LAMA1: variants seen among roughly 807,000 people sequenced by gnomAD.
LAMA1 encodes laminin subunit alpha 1.
In LAMA1, 219 loss-of-function variants were observed where a neutral mutation model predicts 348.7. The ratio of observed to expected loss-of-function variants is 0.63; its 90% CI spans 0.56 to 0.70. LAMA1 has a LOEUF of 0.70. LAMA1 is among the 30% of genes least tolerant of loss of function. LAMA1 has a pLI of 0.00. For missense variants in LAMA1, 3,744 were observed against 3,888.0 expected (o/e 0.96, Z 0.99); for synonymous variants, 1,487 against 1,491.0 (o/e 1.00, Z 0.06).
intron 1 of LAMA1, among the ~76,000 whole-genome samples, chr18:7,081,073 C>T (rs1031421681): frequency 7.9e-5 from 12 of 151,842 alleles, no homozygotes; most frequent in African/African-American, 2.2e-4. Flanking sequence ...TATATACTGT[C>T]GGTGGGAGTG....
chr18:6,987,466 C>G (rs191881143), intron 36 of LAMA1, among the ~76,000 whole-genome samples: 1 of 152,264 alleles, frequency 6.6e-6, no homozygotes, highest in Non-Finnish European at 1.5e-5. Flanking sequence ...TGGATAAATG[C>G]AAGCTTTAGA....
intron 3 of LAMA1, 141 bp from the exon 4 acceptor site, chr18:7,051,077 G>GAGGT: frequency 9.5e-7 from 1 of 1,054,674 alleles, no homozygotes. Context: ...TGGCTGCCAT[G>GAGGT]AGGTGCGAGG....
At position 7,034,530 on chromosome 18, in the gene LAMA1, G is replaced by C; in HGVS notation, c.2000C>G (p.Thr667Arg). The change falls in exon 14 of 63, where the codon ACA becomes AGA. Residue 667 changes from threonine to arginine, a missense_variant. Thr to Arg is a moderately conservative substitution (Grantham distance 71). This residue lies in a region of LAMA1 where 1,529 missense variants were observed against 1,689.4 expected (regional missense o/e 0.91). Coordinates refer to ENST00000389658, the MANE Select transcript of LAMA1 (RefSeq NM_005559.4). ...GTAGTTGGCTCTGATCAAAAGATGT[G>C]TCACATTGGCAAGGACAGTCATCAG... is the stretch of plus-strand genomic sequence containing the variant. ...DQLMTVLANV[T>R]HLLIRANYNS... 5 of 1,614,112 alleles carry C rather than the reference G, an allele frequency of 3.1e-6. No homozygotes were observed. Among genetic ancestry groups the C allele is most frequent in the Non-Finnish European group, 4.2e-6 (5 of 1,180,020 alleles).
intron 1 of LAMA1, among the ~76,000 whole-genome samples, chr18:7,117,305 C>CGGCGCCCCGCTCCG: frequency 6.6e-6 from 1 of 151,706 alleles, no homozygotes; most frequent in Middle Eastern, 3.5e-3. Context: ...AAGCAACCCC[C>CGGCGCCCCGCTCCG]GGCGCCCCGC....
intron 20 of LAMA1, 83 bp from the exon 21 acceptor site, chr18:7,016,754 C>T: frequency 2.5e-6 from 3 of 1,221,378 alleles, no homozygotes; most frequent in East Asian, 2.5e-5. Flanking sequence ...CCAGAACACA[C>T]ACAGGGTATT....
intron 50 of LAMA1, 142 bp from the exon 51 acceptor site, chr18:6,964,945 G>T: frequency 1.0e-6 from 1 of 962,012 alleles, no homozygotes; most frequent in Non-Finnish European, 1.6e-6. Flanking sequence ...AATGTTCTTG[G>T]CTATTGAAGG....
rs996656682 is a variant in LAMA1 at position 6,980,759 on chromosome 18, T to C, written c.5891-122A>G. On this transcript the variant is annotated intron_variant, in intron 41 of 62. Coordinates refer to ENST00000389658, the MANE Select transcript of LAMA1 (RefSeq NM_005559.4). ...AGCTTTCTAAAGAGATTCCCAATAT[T>C]GACAGTTTTTCCAGCAAGACTGAGC... is the stretch of plus-strand genomic sequence containing the variant. The C allele has an allele frequency of 7.6e-6, 5 of 658,562 alleles. No homozygotes were observed. The East Asian group carries it at 8.1e-5, about 11-fold the overall frequency. The allele number at this position is 658,562 out of a possible 1,614,324, so 40.8% of individuals were successfully genotyped here.
At chr18:7,113,658 T>C (rs548755098) in intron 1 of LAMA1, among the ~76,000 whole-genome samples, 1 of 152,140 alleles carries the variant, frequency 6.6e-6, no homozygotes, top group Non-Finnish European at 1.5e-5. Context: ...GTGATGGCAC[T>C]GCTGAGGAGG....
intron 3 of LAMA1, among the ~76,000 whole-genome samples, chr18:7,078,064 CA>C (rs1293065808): frequency 0.012 from 656 of 54,838 alleles, 3 homozygotes; most frequent in South Asian, 0.022. Context: ...AACTCCGTCT[CA>C]AAAAAAAAAA....
chr18:6,995,323 G>C, intron 34 of LAMA1, 34 bp downstream of exon 34: 1 of 1,451,656 alleles, frequency 6.9e-7, no homozygotes, highest in Non-Finnish European at 9.7e-7. Context: ...GGAGGGACCA[G>C]GAGGAAGGTT....
chr18:7,053,908 A>G (rs1037627888), intron 3 of LAMA1, among the ~76,000 whole-genome samples: 4 of 151,136 alleles, frequency 2.6e-5, no homozygotes, highest in African/African-American at 9.7e-5. Flanking sequence ...CTCGGCCTCC[A>G]GAGTGGCATG....
At chr18:7,085,977 A>G (rs905065494) in intron 1 of LAMA1, among the ~76,000 whole-genome samples, 2 of 152,248 alleles carry the variant, frequency 1.3e-5, no homozygotes, top group South Asian at 4.1e-4. Flanking sequence ...TAATAAGATT[A>G]AGGTATTCTA....
chr18:7,036,696 T>C (rs2057996405), intron 12 of LAMA1, among the ~76,000 whole-genome samples: 1 of 152,130 alleles, frequency 6.6e-6, no homozygotes, highest in African/African-American at 2.4e-5. Flanking sequence ...ATAGAGCACA[T>C]GTTCTAGGAT....
chr18:6,955,343 T>A lies in LAMA1; in HGVS notation c.8207+10A>T, dbSNP rs1395406905. Reference sequence around the variant, plus strand: ...GAGACGCCGCATAAGGATGTTAGAATGATACCTACTTCTTTCTGACAGCCG... The same window carrying A: ...GAGACGCCGCATAAGGATGTTAGAAAGATACCTACTTCTTTCTGACAGCCG... On this transcript the variant is annotated intron_variant, in intron 57 of 62. Coordinates refer to ENST00000389658, the MANE Select transcript of LAMA1 (RefSeq NM_005559.4). 7 of 1,604,786 alleles carry A rather than the reference T, an allele frequency of 4.4e-6. No homozygotes were observed. Among genetic ancestry groups the A allele is most frequent in the African/African-American group, 1.3e-5 (1 of 74,884 alleles).
chr18:6,972,006 T>C (rs1160237421), intron 47 of LAMA1, 25 bp from the exon 48 acceptor site: 1 of 1,612,494 alleles, frequency 6.2e-7, no homozygotes, highest in African/African-American at 1.3e-5. Context: ...CAAACAAACA[T>C]AACCAATATA....
intron 1 of LAMA1, among the ~76,000 whole-genome samples, chr18:7,093,247 T>C (rs912149766): frequency 1.3e-5 from 2 of 152,102 alleles, no homozygotes; most frequent in Admixed American, 6.6e-5. Flanking sequence ...AAACCCCGTC[T>C]CTACTAAAAA....
At chr18:6,960,513 G>A (rs536039388) in intron 53 of LAMA1, 13 of 151,668 alleles carry the variant, frequency 8.6e-5, no homozygotes, top group African/African-American at 2.9e-4. Flanking sequence ...GGGGAGAGAG[G>A]AGAATGGGGA....
chr18:6,982,731 TA>T, intron 40 of LAMA1, 141 bp from the exon 41 acceptor site: 2 of 766,278 alleles, frequency 2.6e-6, no homozygotes. Context: ...AGGGACAATT[TA>T]AAATGGCTGA....
chr18:7,076,177 A>G (rs1222629645), intron 3 of LAMA1, among the ~76,000 whole-genome samples: 2 of 152,238 alleles, frequency 1.3e-5, no homozygotes, highest in Non-Finnish European at 2.9e-5. Flanking sequence ...GGCAAGGTAA[A>G]AAAAAGTCAT....
Sources: allele counts gnomAD v4.1 joint callset (sites outside exome capture counted in the v4.1 genomes callset), GRCh38; gene constraint gnomAD v4.1.1; regional missense constraint gnomAD v4.1.1; transcripts MANE v1.5; gene names NCBI Gene and HGNC (gene_info 2026-07-23, HGNC 2026-07-21).